The following CSMD1 variants were observed in gnomAD, a reference collection of about 807,000 sequenced individuals.
CSMD1 encodes the protein CUB and Sushi multiple domains 1.
Under a neutral mutation model 417.5 loss-of-function variants are expected in CSMD1, and 213 were observed. The ratio of observed to expected loss-of-function variants is 0.51; its 90% CI spans 0.46 to 0.57. The LOEUF (loss-of-function observed/expected upper bound fraction) is 0.57, where lower values mean the gene tolerates loss of function less well. CSMD1 is among the 20% of genes least tolerant of loss of function. The pLI, the probability that CSMD1 is intolerant of heterozygous loss-of-function variation, is 0.00. For missense variants in CSMD1, 6,923 were observed against 4,529.7 expected, an observed-to-expected ratio of 1.53 and a Z score of -15.17; for synonymous variants, 2,862 against 1,736.8, an observed-to-expected ratio of 1.65 and a Z score of -16.11.
intron 4 of CSMD1, among the ~76,000 whole-genome samples, chr8:4,008,524 G>C (rs750565135): frequency 3.8e-4 from 55 of 143,770 alleles, no homozygotes; most frequent in Non-Finnish European, 5.9e-4. Context: ...TGAAGTTATT[G>C]TTGAAAGTTA....
At chr8:4,404,472 G>A (rs940751221) in intron 3 of CSMD1, among the ~76,000 whole-genome samples, 6 of 152,112 alleles carry the variant, frequency 3.9e-5, no homozygotes, top group African/African-American at 1.2e-4. Context: ...GCCAAACTAT[G>A]TTTGAGGCAT....
At position 3,008,638 on chromosome 8, in the gene CSMD1, G is replaced by A. The variant is rs566205700; in HGVS notation, c.8030-8507C>T. On this transcript the variant is annotated intron_variant, in intron 52 of 69. Transcript: ENST00000635120. ...TCAGAACTCCAGCATGCCCCCCTGG[G>A]TGACCTATGTTTTCTGGAAAGCGGT... Among the ~76,000 whole-genome samples, 88 of 152,286 alleles carry A rather than the reference G, an allele frequency of 5.8e-4. No individual in the cohort carries two copies. In the Middle Eastern group the frequency reaches 0.017, roughly 29 times the overall value.
intron 1 of CSMD1, among the ~76,000 whole-genome samples, chr8:4,945,956 G>C (rs1808340555): frequency 6.6e-6 from 1 of 152,170 alleles, no homozygotes; most frequent in Admixed American, 6.5e-5. Context: ...GTGCAAGAAA[G>C]TAGGACATAT....
At chr8:3,241,190 A>G (rs1585761009) in intron 26 of CSMD1, among the ~76,000 whole-genome samples, 1 of 151,764 alleles carries the variant, frequency 6.6e-6, no homozygotes, top group East Asian at 1.9e-4. Flanking sequence ...TCTCGGCCTA[A>G]TAAGGGAACT....
At chr8:4,417,294 A>C (rs1796997405) in intron 3 of CSMD1, among the ~76,000 whole-genome samples, 1 of 152,066 alleles carries the variant, frequency 6.6e-6, no homozygotes, top group Non-Finnish European at 1.5e-5. Context: ...TATGTAGCTT[A>C]ATAGTTCCAT....
intron 1 of CSMD1, among the ~76,000 whole-genome samples, chr8:4,856,158 C>T: frequency 6.7e-6 from 1 of 149,242 alleles, no homozygotes; most frequent in African/African-American, 2.5e-5. Flanking sequence ...CATATCCAGC[C>T]AAACTAAGCT....
chr8:4,914,481 G>C lies in CSMD1; in HGVS notation c.85+79851C>G, dbSNP rs188287980. On this transcript the variant is annotated intron_variant, in intron 1 of 69. Coordinates refer to ENST00000635120, the MANE Select transcript of CSMD1 (RefSeq NM_033225.6). ...TAGTCCCAGCTACTCGGGAGGCTGA[G>C]GCAGGAGAATGGCGTGAACCTGGGA... Among the ~76,000 whole-genome samples the C allele has an allele frequency of 1.1e-3, 171 of 151,790 alleles. 1 individual carries two copies. Among genetic ancestry groups the C allele is most frequent in the African/African-American group, 4.0e-3 (166 of 41,346 alleles).
At chr8:3,633,385 A>T (rs528053671) in intron 7 of CSMD1, among the ~76,000 whole-genome samples, 20 of 152,298 alleles carry the variant, frequency 1.3e-4, no homozygotes, top group African/African-American at 3.6e-4. Context: ...GAGACTGACA[A>T]GTTTGCAAAC....
At chr8:3,937,008 G>A (rs927252343) in intron 5 of CSMD1, among the ~76,000 whole-genome samples, 1 of 152,164 alleles carries the variant, frequency 6.6e-6, no homozygotes, top group Non-Finnish European at 1.5e-5. Context: ...ACTTTGTTGG[G>A]TTAAAGGTTT....
chr8:3,864,445 G>A (rs1045439123), intron 5 of CSMD1, among the ~76,000 whole-genome samples: 2 of 152,188 alleles, frequency 1.3e-5, no homozygotes, highest in African/African-American at 2.4e-5. Flanking sequence ...AGTATGAGAA[G>A]GGGTTAAGGA....
rs2129035751 is a variant in CSMD1 at position 3,151,384 on chromosome 8, C to T, written c.6031+13G>A. The stretch of plus-strand genomic sequence containing the variant: ...AAAATGAACTTTTAGGAATTGGTAA[C>T]ATTTTCACTTACCATAGCCGATGGG... On this transcript the variant is annotated intron_variant, in intron 40 of 69. Coordinates refer to ENST00000635120, the MANE Select transcript of CSMD1 (RefSeq NM_033225.6). 1 of 1,546,568 alleles carries T rather than the reference C, an allele frequency of 6.5e-7. No homozygotes were observed. The highest frequency in any genetic ancestry group is 2.2e-5 in the East Asian group (1 of 44,494).
chr8:3,607,657 G>A (rs1037051065), intron 8 of CSMD1, among the ~76,000 whole-genome samples: 2 of 152,180 alleles, frequency 1.3e-5, no homozygotes, highest in South Asian at 2.1e-4. Flanking sequence ...GCAGTCCATT[G>A]TTAGGCAGTG....
chr8:4,117,599 A>G (rs1249641151), intron 3 of CSMD1, among the ~76,000 whole-genome samples: 1 of 152,198 alleles, frequency 6.6e-6, no homozygotes, highest in Non-Finnish European at 1.5e-5. Context: ...TATTTTTTAC[A>G]AAGGACTTCC....
rs141715365 is a variant in CSMD1, at chr8:3,954,502, G to C, written c.818+43401C>G. ...CTGCCTCAGCTTCCTGAGTAGCTGGGATTACAGGCACCCACCACCACTCCC... is the reference window on the plus strand; with the variant it reads ...CTGCCTCAGCTTCCTGAGTAGCTGGCATTACAGGCACCCACCACCACTCCC... On this transcript the variant is annotated intron_variant, in intron 5 of 69. Coordinates refer to ENST00000635120, the MANE Select transcript of CSMD1 (RefSeq NM_033225.6). Among the ~76,000 whole-genome samples, 6 of 152,296 alleles carry C rather than the reference G, an allele frequency of 3.9e-5. No individual in the cohort carries two copies. The East Asian group carries it at 9.7e-4, about 25-fold the overall frequency.
intron 40 of CSMD1, among the ~76,000 whole-genome samples, chr8:3,146,661 A>G (rs1818861989): frequency 6.6e-6 from 1 of 152,156 alleles, no homozygotes; most frequent in South Asian, 2.1e-4. Flanking sequence ...TTTGAGGGAC[A>G]GGCTGTGTGG....
intron 3 of CSMD1, among the ~76,000 whole-genome samples, chr8:4,205,674 G>T (rs956899569): frequency 9.9e-5 from 15 of 151,862 alleles, no homozygotes; most frequent in African/African-American, 3.6e-4. Flanking sequence ...TGGCTCATTT[G>T]GGAAATTTTT....
At chr8:4,711,610 T>A (rs909268643) in intron 1 of CSMD1, among the ~76,000 whole-genome samples, 9 of 152,172 alleles carry the variant, frequency 5.9e-5, no homozygotes, top group African/African-American at 2.2e-4. Context: ...AAATATAGTC[T>A]GTAAGAGAAT....
chr8:3,733,759 T>C (rs1213602485), intron 6 of CSMD1, among the ~76,000 whole-genome samples: 1 of 152,176 alleles, frequency 6.6e-6, no homozygotes, highest in Non-Finnish European at 1.5e-5. Flanking sequence ...ACCCTTATTT[T>C]ACTTGTACTT....
chr8:3,537,747 T>G (rs1033251427), intron 10 of CSMD1, among the ~76,000 whole-genome samples: 1 of 152,160 alleles, frequency 6.6e-6, no homozygotes, highest in Non-Finnish European at 1.5e-5. Context: ...TTTTAACTAT[T>G]TTATTTAGGA....
Sources: gnomAD v4.1 joint callset for allele counts (sites outside exome capture counted in the v4.1 genomes callset) on GRCh38, gnomAD v4.1.1 for gene constraint, MANE v1.5 for transcripts, NCBI Gene and HGNC (gene_info 2026-07-23, HGNC 2026-07-21) for gene names.